ECSCR: variants seen among roughly 807,000 people sequenced by gnomAD.
ECSCR encodes endothelial cell-specific chemotaxis regulator.
A neutral mutation model predicts 16.7 loss-of-function variants in ECSCR; 12 were observed. The observed-to-expected ratio is 0.72, with a 90% CI of 0.46 to 1.17. The LOEUF is 1.17. Ranked by LOEUF, ECSCR falls within the 50% of genes most tolerant of loss-of-function variation. The probability of loss-of-function intolerance (pLI) is 0.00; values close to 1 mark genes in which losing one functional copy is unlikely to be tolerated. For missense variants in ECSCR, 122 were observed against 116.1 expected, an observed-to-expected ratio of 1.05 and a Z score of -0.23; for synonymous variants, 44 against 42.2, an observed-to-expected ratio of 1.04 and a Z score of -0.17.
intron 8 of ECSCR, among the ~76,000 whole-genome samples, chr5:139,451,934 G>C (rs907875365): frequency 2.0e-4 from 30 of 149,906 alleles, no homozygotes; most frequent in Non-Finnish European, 3.4e-4. Flanking sequence ...GGCATGTTGT[G>C]TGTTTATGAT....
chr5:139,459,672 T>C (rs1447392209), intron 1 of ECSCR, among the ~76,000 whole-genome samples: 1 of 152,198 alleles, frequency 6.6e-6, no homozygotes, highest in African/African-American at 2.4e-5. Flanking sequence ...CCCAGCTGGG[T>C]TCCCGTCCCT....
intron 8 of ECSCR, among the ~76,000 whole-genome samples, chr5:139,449,691 C>T (rs1422140020): frequency 6.6e-6 from 1 of 151,950 alleles, no homozygotes; most frequent in African/African-American, 2.4e-5. Context: ...TTGATCTTTA[C>T]CAAGTTACAA....
chr5:139,451,674 G>A (rs1322700467), intron 8 of ECSCR, among the ~76,000 whole-genome samples: 1 of 144,938 alleles, frequency 6.9e-6, no homozygotes, highest in Non-Finnish European at 1.5e-5. Context: ...GTTGGGTATG[G>A]GGTGTGGGGT....
intron 8 of ECSCR, among the ~76,000 whole-genome samples, chr5:139,451,897 T>C (rs1751060070): frequency 1.4e-5 from 2 of 142,988 alleles, no homozygotes; most frequent in African/African-American, 5.2e-5. Flanking sequence ...GGTGTGTGTG[T>C]TTGTGCTGTG....
Position 139,457,585 on chromosome 5 carries a change from C to T in ECSCR, c.177G>A (p.Glu59=), listed in dbSNP as rs1356322129. ...SSNPGYIPSS[E]ANRPSHLSST... is the part of the protein sequence containing the mutation. ...TGGACAGATGGCTTGGCCTGTTAGC[C>T]TCTGAGGAAGGGATGTATCCTGCAA... The change falls in exon 4 of 10, where the codon GAG becomes GAA. Residue 59 remains glutamate (E), a synonymous_variant. Transcript: ENST00000618155. 1 of 828,932 alleles carries T rather than the reference C, an allele frequency of 1.2e-6. No homozygotes were observed. Among genetic ancestry groups the T allele is most frequent in the African/African-American group, 1.7e-5 (1 of 60,046 alleles). 51.3% of individuals were successfully genotyped at this position (828,932 alleles called of 1,614,324 possible). A position where few individuals can be genotyped will look rare whatever the true frequency, so the allele number is the denominator to read the frequency against.
intron 8 of ECSCR, among the ~76,000 whole-genome samples, chr5:139,451,352 TA>T (rs1265962580): frequency 2.7e-5 from 4 of 149,614 alleles, no homozygotes; most frequent in South Asian, 2.1e-4. Flanking sequence ...GTATGTATAA[TA>T]TGGGGTACAT....
intron 1 of ECSCR, among the ~76,000 whole-genome samples, chr5:139,461,611 C>G (rs1356441339): frequency 6.6e-6 from 1 of 152,160 alleles, no homozygotes; most frequent in African/African-American, 2.4e-5. Flanking sequence ...AGCCTTGTTC[C>G]CCAGCCCCAG....
In ECSCR at chr5:139,458,102, C is replaced by A. The variant is rs1033621975; in HGVS notation, c.106+37G>T. 5.2e-6 allele frequency: 8 copies of A among 1,541,330 alleles called. No individual in the cohort carries two copies. In the African/African-American group the frequency reaches 9.6e-5, roughly 19 times the overall value. ...CTCTCACCCTTCCTAAGCTCCTAGG[C>A]CTACACGCTGGAGTAGACCCATGTG... On this transcript the variant is annotated intron_variant, in intron 2 of 9. Transcript: ENST00000618155.
intron 6 of ECSCR, 89 bp from the exon 7 acceptor site, chr5:139,455,012 C>A: frequency 2.5e-6 from 1 of 398,330 alleles, no homozygotes; most frequent in Non-Finnish European, 4.4e-6. Flanking sequence ...CAGATAAGTA[C>A]TGTGTAGACA....
chr5:139,454,266 T>C (rs1231379185), intron 8 of ECSCR, among the ~76,000 whole-genome samples: 1 of 142,548 alleles, frequency 7.0e-6, no homozygotes. Context: ...GTGCGTCTAG[T>C]GGGGTGTGTG....
At chr5:139,456,609 A>G in intron 4 of ECSCR, 91 bp from the exon 5 acceptor site, 1 of 397,286 alleles carries the variant, frequency 2.5e-6, no homozygotes. Flanking sequence ...TCCCTGCCTG[A>G]GAGGACTCTA....
Position 139,462,643 on chromosome 5 carries a change from A to T in ECSCR, c.28T>A (p.Cys10Ser). 6.3e-7 allele frequency: 1 copy of T among 1,594,710 alleles called. No homozygotes were observed. Among genetic ancestry groups the T allele is most frequent in the South Asian group, 1.1e-5 (1 of 87,846 alleles). MGTAGAMQLCWVILGFLLFR... is the reference protein window; with the variant it reads MGTAGAMQLSWVILGFLLFR... ...AGGAGGAAGCCCAGGATCACCCAGC[A>T]CAGCTGCATGGCTCCTGCGGTGCCC... is the stretch of plus-strand genomic sequence containing the variant. Residue 10 changes from cysteine (C) to serine (S), a missense_variant, in exon 1 of 10, where the codon TGC (cysteine) becomes AGC (serine). Physicochemically the swap from Cys to Ser is moderately radical, Grantham distance 112 (BLOSUM62 -1). Coordinates refer to ENST00000618155, the MANE Select transcript of ECSCR (RefSeq NM_001077693.4).
Position 139,457,608 on chromosome 5 carries a change from C to T in ECSCR, c.158-4G>A, listed in dbSNP as rs1355493808. ...GCCTCTGAGGAAGGGATGTATCCTG[C>T]AAGGACAGAGGCAGATAGGGAGTGG... is the stretch of plus-strand genomic sequence containing the variant. On this transcript the variant is annotated splice_region_variant and splice_polypyrimidine_tract_variant and intron_variant, in intron 3 of 9. Coordinates refer to ENST00000618155, the MANE Select transcript of ECSCR (RefSeq NM_001077693.4). 4 of 906,746 alleles carry T rather than the reference C, an allele frequency of 4.4e-6. No homozygotes were observed. Among genetic ancestry groups the T allele is most frequent in the Non-Finnish European group, 7.5e-6 (4 of 533,510 alleles). 56.2% of individuals were successfully genotyped at this position (906,746 alleles called of 1,614,324 possible).
chr5:139,458,500 CAAAAAAAAAAAAAAAAAA>C (rs397882364), intron 1 of ECSCR, among the ~76,000 whole-genome samples: 12 of 85,382 alleles, frequency 1.4e-4, no homozygotes, highest in South Asian at 1.0e-3. Flanking sequence ...CCTATCTCAA[CAAAAAAAAAAAAAAAAAA>C]AAAAAAAAAA....
Position 139,452,152 on chromosome 5 carries a change from C to T in ECSCR, c.512+2450G>A, listed in dbSNP as rs1224480756. The stretch of plus-strand genomic sequence containing the variant: ...GGGGTGTGTGTGGTATGTGGATGTG[C>T]GTGGGGTGTGTGTGTAGTATATGGG... On this transcript the variant is annotated intron_variant, in intron 8 of 9. Transcript: ENST00000618155. Among the ~76,000 whole-genome samples, 7 of 98,362 alleles carry T rather than the reference C, an allele frequency of 7.1e-5. No individual in the cohort carries two copies. In the East Asian group the frequency reaches 1.4e-3, roughly 19 times the overall value. 64.5% of individuals were successfully genotyped at this position (98,362 alleles called of 152,430 possible). A position where few individuals can be genotyped will look rare whatever the true frequency, so the allele number is the denominator to read the frequency against.
In ECSCR at chr5:139,454,623, C is replaced by T. The variant is rs1751117002; in HGVS notation, c.491G>A (p.Gly164Glu). The change falls in exon 8 of 10, where the codon GGG becomes GAG. Residue 164 changes from glycine to glutamate, a missense_variant. Gly to Glu is a moderately conservative substitution (Grantham distance 98, BLOSUM62 -2). Transcript: ENST00000618155. ...TTACCTTTCAGACAGCCCTGAACTCCCAGGTTTCTGGGGATCTGTAAAAAG... is the reference window on the plus strand; with the variant it reads ...TTACCTTTCAGACAGCCCTGAACTCTCAGGTTTCTGGGGATCTGTAAAAAG... ...SKESEDPQKP[G>E]SSGLSESCST... 2.5e-6 allele frequency: 1 copy of T among 398,024 alleles called. No individual in the cohort carries two copies. The highest frequency in any genetic ancestry group is 4.4e-5 in the Admixed American group (1 of 22,670). The allele number at this position is 398,024 out of a possible 1,614,324, so 24.7% of individuals were successfully genotyped here. A position where few individuals can be genotyped will look rare whatever the true frequency, so the allele number is the denominator to read the frequency against.
At chr5:139,455,195 C>G (rs1401681628) in intron 6 of ECSCR, 128 bp downstream of exon 6, 3 of 397,170 alleles carry the variant, frequency 7.6e-6, no homozygotes, top group Non-Finnish European at 1.3e-5. Flanking sequence ...CCACAAGGGT[C>G]TTCCTTATCA....
intron 5 of ECSCR, 34 bp from the exon 6 acceptor site, chr5:139,455,470 G>T: frequency 2.5e-6 from 1 of 397,730 alleles, no homozygotes; most frequent in South Asian, 1.3e-4. Context: ...CATCAGCGAA[G>T]GGGACTGACA....
intron 2 of ECSCR, 74 bp from the exon 3 acceptor site, chr5:139,457,881 C>T: frequency 2.7e-6 from 4 of 1,488,818 alleles, no homozygotes; most frequent in Non-Finnish European, 3.7e-6. Flanking sequence ...TTCCCTAGAT[C>T]TGTGTGTCTT....
Sources: allele counts gnomAD v4.1 joint callset (sites outside exome capture counted in the v4.1 genomes callset), GRCh38; gene constraint gnomAD v4.1.1; transcripts MANE v1.5; gene names NCBI Gene and HGNC (gene_info 2026-07-23, HGNC 2026-07-21).